Variants in ZNF385D observed in about 807,000 individuals in gnomAD.
ZNF385D encodes the protein zinc finger protein 659.
Under a neutral mutation model 35.8 loss-of-function variants are expected in ZNF385D, and 15 were observed. That is an observed-to-expected ratio of 0.42 (90% confidence interval 0.28 to 0.64). The LOEUF (loss-of-function observed/expected upper bound fraction) is 0.64, where lower values mean the gene tolerates loss of function less well. Among genes scored for constraint, ZNF385D ranks in the 30% least tolerant of loss-of-function variants. ZNF385D has a pLI of 0.23. For missense variants in ZNF385D, 474 were observed against 494.6 expected, an observed-to-expected ratio of 0.96 and a Z score of 0.39; for synonymous variants, 212 against 186.8, an observed-to-expected ratio of 1.13 and a Z score of -1.10.
intron 1 of ZNF385D, among the ~76,000 whole-genome samples, chr3:21,673,372 G>C (rs1575437252): frequency 6.6e-6 from 1 of 152,110 alleles, no homozygotes; most frequent in East Asian, 1.9e-4. Context: ...CTCACAGAAG[G>C]TGCTATTGGA....
chr3:22,252,346 G>T (rs537118594), intron 2 of ZNF385D, among the ~76,000 whole-genome samples: 3 of 152,110 alleles, frequency 2.0e-5, no homozygotes, highest in Non-Finnish European at 2.9e-5. Context: ...TCAGAAAAGA[G>T]TAAGTATCGA....
At chr3:21,567,215 G>GTGTC (rs1383486379) in intron 2 of ZNF385D, among the ~76,000 whole-genome samples, 1 of 152,106 alleles carries the variant, frequency 6.6e-6, no homozygotes, top group Admixed American at 6.6e-5. Context: ...AATCAGTTAA[G>GTGTC]TGTCTTAATC....
chr3:21,885,976 C>T (rs1025911423), intron 3 of ZNF385D, among the ~76,000 whole-genome samples: 2 of 152,038 alleles, frequency 1.3e-5, no homozygotes, highest in African/African-American at 2.4e-5. Context: ...CTGCTTTACT[C>T]AAAGTCCACT....
intron 2 of ZNF385D, among the ~76,000 whole-genome samples, chr3:22,368,175 G>A (rs1439027165): frequency 6.6e-6 from 1 of 152,116 alleles, no homozygotes; most frequent in East Asian, 1.9e-4. Context: ...GACATTATAG[G>A]TAAATAAATA....
At chr3:21,883,982 T>A (rs1358641310) in intron 3 of ZNF385D, among the ~76,000 whole-genome samples, 1 of 151,988 alleles carries the variant, frequency 6.6e-6, no homozygotes, top group Non-Finnish European at 1.5e-5. Flanking sequence ...CACCATTTTG[T>A]GATATCCTTA....
intron 1 of ZNF385D, among the ~76,000 whole-genome samples, chr3:21,727,894 G>T (rs35995015): frequency 1.3e-5 from 2 of 151,968 alleles, no homozygotes; most frequent in South Asian, 4.2e-4. Context: ...ATTCACAATA[G>T]CAAAGACTTG....
chr3:22,113,074 A>G (rs1479152869), intron 3 of ZNF385D, among the ~76,000 whole-genome samples: 2 of 152,222 alleles, frequency 1.3e-5, no homozygotes, highest in South Asian at 2.1e-4. Flanking sequence ...GTGACAAATC[A>G]TTTACACATC....
chr3:21,432,320 CT>C (rs1221569619), intron 5 of ZNF385D, among the ~76,000 whole-genome samples: 1 of 152,102 alleles, frequency 6.6e-6, no homozygotes, highest in East Asian at 1.9e-4. Context: ...TTAGAACCCT[CT>C]GAGCATTTTA....
intron 3 of ZNF385D, among the ~76,000 whole-genome samples, chr3:22,081,669 G>C (rs1904534): frequency 0.26 from 39,533 of 151,976 alleles, 5,165 homozygotes; most frequent in Middle Eastern, 0.36. Flanking sequence ...TTTTTTACAA[G>C]TCAAAATTTG....
At chr3:21,819,172 AAAG>A (rs1303529851) in intron 3 of ZNF385D, among the ~76,000 whole-genome samples, 1 of 151,976 alleles carries the variant, frequency 6.6e-6, no homozygotes, top group Non-Finnish European at 1.5e-5. Flanking sequence ...AAGTAACAAG[AAAG>A]AAGGCAAAAA....
intron 2 of ZNF385D, among the ~76,000 whole-genome samples, chr3:22,247,192 A>G (rs1362768002): frequency 6.6e-6 from 1 of 152,108 alleles, no homozygotes; most frequent in Admixed American, 6.5e-5. Flanking sequence ...ATTGTTTTTG[A>G]TAATAATGTC....
rs1204932823 is a variant in ZNF385D at position 21,964,437 on chromosome 3, A to G, written c.325+204380T>C. Among the ~76,000 whole-genome samples, 48 of 146,288 alleles carry G rather than the reference A, an allele frequency of 3.3e-4. No homozygotes were observed. The East Asian group carries it at 4.5e-3, about 14-fold the overall frequency. ...TAAAAAAAAAAAAAAAAAAAAGAAA[A>G]AAAAAAAAAGAAAAAGATGTCCAAT... On this transcript the variant is annotated intron_variant, in intron 3 of 5. Transcript: ENST00000494108.
At chr3:21,745,609 G>T (rs2069731358) in intron 1 of ZNF385D, among the ~76,000 whole-genome samples, 2 of 152,300 alleles carry the variant, frequency 1.3e-5, no homozygotes, top group South Asian at 4.1e-4. Context: ...CCAATCATGT[G>T]TGAAATTCTG....
chr3:21,852,633 G>A (rs1696453308), intron 3 of ZNF385D, among the ~76,000 whole-genome samples: 1 of 151,866 alleles, frequency 6.6e-6, no homozygotes, highest in African/African-American at 2.4e-5. Flanking sequence ...GAGCATAGCA[G>A]TAAATTATAT....
intron 3 of ZNF385D, among the ~76,000 whole-genome samples, chr3:21,886,117 G>T (rs1396790225): frequency 6.6e-6 from 1 of 152,062 alleles, no homozygotes; most frequent in Non-Finnish European, 1.5e-5. Flanking sequence ...TAGATACATG[G>T]ATAATTTTTC....
chr3:22,079,672 C>A (rs1700648339), intron 3 of ZNF385D, among the ~76,000 whole-genome samples: 1 of 151,938 alleles, frequency 6.6e-6, no homozygotes, highest in Admixed American at 6.6e-5. Context: ...TCATTGATAG[C>A]ATAAGGTATC....
intron 3 of ZNF385D, among the ~76,000 whole-genome samples, chr3:21,794,344 G>A (rs893702542): frequency 8.6e-5 from 13 of 151,944 alleles, no homozygotes; most frequent in Non-Finnish European, 1.8e-4. Flanking sequence ...GAGGACTTCT[G>A]GCCTCTGAGC....
intron 2 of ZNF385D, among the ~76,000 whole-genome samples, chr3:21,615,773 T>G (rs1191958577): frequency 9.2e-6 from 1 of 108,862 alleles, no homozygotes; most frequent in Non-Finnish European, 1.9e-5. Flanking sequence ...AGAGAATGAC[T>G]GCAAAGAAAA....
intron 3 of ZNF385D, among the ~76,000 whole-genome samples, chr3:21,863,118 G>A (rs1001847434): frequency 1.3e-5 from 2 of 152,078 alleles, no homozygotes; most frequent in Non-Finnish European, 2.9e-5. Flanking sequence ...GAGGCCAGTA[G>A]CATAAAATCA....
Sources: allele counts gnomAD v4.1 joint callset (sites outside exome capture counted in the v4.1 genomes callset), GRCh38; gene constraint gnomAD v4.1.1; transcripts MANE v1.5; gene names NCBI Gene and HGNC (gene_info 2026-07-23, HGNC 2026-07-21).